RAB21: variants seen among roughly 807,000 people sequenced by gnomAD.
RAB21 encodes the protein RAB21, member RAS oncogene family, also known as ras-related protein Rab-21.
A neutral mutation model predicts 33.1 loss-of-function variants in RAB21; 13 were observed. The observed-to-expected ratio is 0.39, with a 90% confidence interval of 0.26 to 0.62. The LOEUF is 0.62. RAB21 is among the 20% of genes least tolerant of loss of function. The pLI, the probability that RAB21 is intolerant of heterozygous loss-of-function variation, is 0.48. For synonymous variants in RAB21, 91 were observed against 103.7 expected (o/e 0.88, Z 0.74); for missense variants, 234 against 279.1 (o/e 0.84, Z 1.15).
At chr12:71,770,347 T>A (rs900468791) in intron 2 of RAB21, among the ~76,000 whole-genome samples, 1 of 152,132 alleles carries the variant, frequency 6.6e-6, no homozygotes, top group Non-Finnish European at 1.5e-5. Context: ...GGTGGGGAAG[T>A]GCTGAGGAGG....
At position 71,794,585 on chromosome 12, in the gene RAB21, C is replaced by A. The variant is rs2956461; in HGVS notation, c.*8912C>A. ...CCGAGTAGCTGGGACTACAGGCGCC[C>A]GCCACCACGCCTGGCTAATTTTTTG... On this transcript the variant is annotated 3_prime_UTR_variant, in exon 7 of 7. Transcript: ENST00000261263. 38,766 of 142,464 alleles carry A rather than the reference C, an allele frequency of 0.27. 7,042 individuals carry two copies. The highest frequency in any genetic ancestry group is 0.5 in the East Asian group (2,337 of 4,640). 8.8% of individuals were successfully genotyped at this position (142,464 alleles called of 1,614,324 possible). A position where few individuals can be genotyped will look rare whatever the true frequency, so the allele number is the denominator to read the frequency against.
At chr12:71,765,480 T>G (rs1882946002) in intron 1 of RAB21, among the ~76,000 whole-genome samples, 1 of 152,108 alleles carries the variant, frequency 6.6e-6, no homozygotes, top group Non-Finnish European at 1.5e-5. Context: ...TTCATTTTTG[T>G]TTTTGTTGCA....
intron 4 of RAB21, among the ~76,000 whole-genome samples, chr12:71,775,299 C>T (rs563735032): frequency 6.6e-6 from 1 of 152,286 alleles, no homozygotes; most frequent in East Asian, 1.9e-4. Flanking sequence ...ATAACTTGCC[C>T]AGTGTCAGGT....
rs144956158 is a variant in RAB21, at chr12:71,785,958, C to G, written c.*285C>G. The G allele has an allele frequency of 3.9e-3, 976 of 249,782 alleles. 15 individuals are homozygous for G. Among genetic ancestry groups the G allele is most frequent in the African/African-American group, 0.021 (915 of 42,662 alleles). The allele number at this position is 249,782 out of a possible 1,614,324, so 15.5% of individuals were successfully genotyped here. The stretch of plus-strand genomic sequence containing the variant: ...GCTCTGTCACCCAGGCTGGAGTGCA[C>G]TGGCTTGATCTCGGCTCACTGCAAG... On this transcript the variant is annotated 3_prime_UTR_variant, in exon 7 of 7. Coordinates refer to ENST00000261263, the MANE Select transcript of RAB21 (RefSeq NM_014999.4).
chr12:71,786,720 T>TG lies in RAB21; in HGVS notation c.*1048dup, dbSNP rs1289015209. 7.9e-5 allele frequency: 12 copies of TG among 152,558 alleles called. No individual in the cohort carries two copies. In the East Asian group the frequency reaches 1.2e-3, roughly 15 times the overall value. The allele number at this position is 152,558 out of a possible 1,614,324, so 9.5% of individuals were successfully genotyped here. ...CTTCTGTCTTAACTTGAACATGGCG[T>TG]GTTTAAATTTTCATACATACTTTAC... On this transcript the variant is annotated 3_prime_UTR_variant, in exon 7 of 7. Transcript: ENST00000261263.
rs752903890 is a variant in RAB21, at chr12:71,796,919, A to C, written c.*11246A>C. 17 of 152,366 alleles carry C rather than the reference A, an allele frequency of 1.1e-4. No individual in the cohort carries two copies. Among genetic ancestry groups the C allele is most frequent in the East Asian group, 1.9e-4 (1 of 5,192 alleles). 9.4% of individuals were successfully genotyped at this position (152,366 alleles called of 1,614,324 possible). A position where few individuals can be genotyped will look rare whatever the true frequency, so the allele number is the denominator to read the frequency against. ...TGAGAGGAAAAAAGCATTAGATGCGATAGAATGGAATAATCTCTTTTTAGA... is the reference window on the plus strand; with the variant it reads ...TGAGAGGAAAAAAGCATTAGATGCGCTAGAATGGAATAATCTCTTTTTAGA... On this transcript the variant is annotated 3_prime_UTR_variant, in exon 7 of 7. Coordinates refer to ENST00000261263, the MANE Select transcript of RAB21 (RefSeq NM_014999.4).
At chr12:71,773,189 T>C (rs559664330) in intron 3 of RAB21, among the ~76,000 whole-genome samples, 1 of 152,358 alleles carries the variant, frequency 6.6e-6, no homozygotes, top group South Asian at 2.1e-4. Context: ...TTAATTCCAG[T>C]TTACTGCCAA....
At position 71,796,497 on chromosome 12, in the gene RAB21, C is replaced by T. The variant is rs917028700; in HGVS notation, c.*10824C>T. 5.1e-5 allele frequency: 7 copies of T among 137,470 alleles called. 2 individuals are homozygous for T. The highest frequency in any genetic ancestry group is 1.1e-4 in the Non-Finnish European group (7 of 65,932). The allele number at this position is 137,470 out of a possible 1,614,324, so 8.5% of individuals were successfully genotyped here. A position where few individuals can be genotyped will look rare whatever the true frequency, so the allele number is the denominator to read the frequency against. ...CTGTAATATTAGGATGGACATGTGT[C>T]TGGCTTATCCTTCCTATCTAGGAAA... On this transcript the variant is annotated 3_prime_UTR_variant, in exon 7 of 7. Transcript: ENST00000261263.
At chr12:71,772,412 A>AGG (rs1384878916) in intron 3 of RAB21, among the ~76,000 whole-genome samples, 3 of 152,220 alleles carry the variant, frequency 2.0e-5, no homozygotes, top group Non-Finnish European at 4.4e-5. Flanking sequence ...GCAGGTTACA[A>AGG]GGCCAGCCCA....
At chr12:71,762,903 A>C (rs1882899320) in intron 1 of RAB21, among the ~76,000 whole-genome samples, 1 of 152,054 alleles carries the variant, frequency 6.6e-6, no homozygotes. Context: ...TTGATAGCTA[A>C]TTTTTATTGC....
Position 71,785,899 on chromosome 12 carries a change from TGTTTTTTTTTGTTTTTTTTTG to T in RAB21, c.*227_*247del. The T allele has an allele frequency of 2.3e-6, 1 of 427,930 alleles. No individual in the cohort carries two copies. Among genetic ancestry groups the T allele is most frequent in the East Asian group, 4.9e-5 (1 of 20,442 alleles). The allele number at this position is 427,930 out of a possible 1,614,324, so 26.5% of individuals were successfully genotyped here. A position where few individuals can be genotyped will look rare whatever the true frequency, so the allele number is the denominator to read the frequency against. On this transcript the variant is annotated 3_prime_UTR_variant, in exon 7 of 7. Coordinates refer to ENST00000261263, the MANE Select transcript of RAB21 (RefSeq NM_014999.4). ...CAAATGTTTTTTTTTGTTTTTTTTTTGTTTTTTTTTGTTTTTTTTTGAGACGGAGTCTCGCTCTGTCACCCA... is the reference window on the plus strand; with the variant it reads ...CAAATGTTTTTTTTTGTTTTTTTTTTAGACGGAGTCTCGCTCTGTCACCCA...
rs558342891 is a variant in RAB21 at position 71,781,743 on chromosome 12, A to G, written c.392-288A>G. On this transcript the variant is annotated intron_variant, in intron 4 of 6. Coordinates refer to ENST00000261263, the MANE Select transcript of RAB21 (RefSeq NM_014999.4). ...ATAGGTTTATCTCTAGGTCTCTGGT[A>G]TCCCCCAAAATCAAAAAAGAGTGCC... 2.0e-5 allele frequency among the ~76,000 whole-genome samples: 3 copies of G among 152,294 alleles called. No individual in the cohort carries two copies. In the East Asian group the frequency reaches 5.8e-4, roughly 29 times the overall value.
In RAB21 at chr12:71,782,443, A is replaced by G. The variant is rs1338914555; in HGVS notation, c.447-127A>G. 6.7e-6 allele frequency: 4 copies of G among 600,198 alleles called. No individual in the cohort carries two copies. The East Asian group carries it at 8.8e-5, about 13-fold the overall frequency. The allele number at this position is 600,198 out of a possible 1,614,324, so 37.2% of individuals were successfully genotyped here. On this transcript the variant is annotated intron_variant, in intron 5 of 6. Transcript: ENST00000261263. ...TAATGTATAGAGAATTTAAATAGCT[A>G]TATAAACTTAATTTCACTAAACTTG...
chr12:71,760,885 C>A (rs553082986), intron 1 of RAB21, among the ~76,000 whole-genome samples: 1 of 152,094 alleles, frequency 6.6e-6, no homozygotes, highest in Admixed American at 6.5e-5. Flanking sequence ...AGGTAGTATC[C>A]TAACAGTTTG....
rs1248486146 is a variant in RAB21, at chr12:71,789,597, C to T, written c.*3924C>T. The T allele has an allele frequency of 6.6e-6, 1 of 151,982 alleles. No individual in the cohort carries two copies. Among genetic ancestry groups the T allele is most frequent in the Admixed American group, 6.6e-5 (1 of 15,248 alleles). 9.4% of individuals were successfully genotyped at this position (151,982 alleles called of 1,614,324 possible). A position where few individuals can be genotyped will look rare whatever the true frequency, so the allele number is the denominator to read the frequency against. ...AAGGATATAGATAGTAGTAGTGACC[C>T]GCAGGAGCCTCACAATAATGTCTAA... On this transcript the variant is annotated 3_prime_UTR_variant, in exon 7 of 7. Coordinates refer to ENST00000261263, the MANE Select transcript of RAB21 (RefSeq NM_014999.4).
Position 71,791,309 on chromosome 12 carries a change from A to G in RAB21, c.*5636A>G, listed in dbSNP as rs1883379298. On this transcript the variant is annotated 3_prime_UTR_variant, in exon 7 of 7. Transcript: ENST00000261263. ...GCCCAGTCAGTATCATAGAATTTAAATGCAAGCCAATGCTTAGACAGAATC... is the reference window on the plus strand; with the variant it reads ...GCCCAGTCAGTATCATAGAATTTAAGTGCAAGCCAATGCTTAGACAGAATC... The G allele has an allele frequency of 6.6e-6, 1 of 152,212 alleles. No individual in the cohort carries two copies. The highest frequency in any genetic ancestry group is 1.5e-5 in the Non-Finnish European group (1 of 68,046). 9.4% of individuals were successfully genotyped at this position (152,212 alleles called of 1,614,324 possible).
Position 71,797,524 on chromosome 12 carries a change from A to G in RAB21, c.*11851A>G, listed in dbSNP as rs1294909443. ...TATCATATTCTTGGATAGGAAGACA[A>G]CATACACATTTCAGTTCTCTAAATT... is the stretch of plus-strand genomic sequence containing the variant. On this transcript the variant is annotated 3_prime_UTR_variant, in exon 7 of 7. Coordinates refer to ENST00000261263, the MANE Select transcript of RAB21 (RefSeq NM_014999.4). 1 of 151,658 alleles carries G rather than the reference A, an allele frequency of 6.6e-6. No individual in the cohort carries two copies. Among genetic ancestry groups the G allele is most frequent in the Non-Finnish European group, 1.5e-5 (1 of 67,904 alleles). 9.4% of individuals were successfully genotyped at this position (151,658 alleles called of 1,614,324 possible).
chr12:71,798,822 A>T lies in RAB21; in HGVS notation c.*13149A>T, dbSNP rs569384300. ...CCGCTAAGGATGACAGTGAATTCTG[A>T]ATTTATTTACCCAATGTACTCTTCA... On this transcript the variant is annotated 3_prime_UTR_variant, in exon 7 of 7. Transcript: ENST00000261263. 6.6e-6 allele frequency: 1 copy of T among 152,326 alleles called. No homozygotes were observed. The highest frequency in any genetic ancestry group is 6.5e-5 in the Admixed American group (1 of 15,298). The allele number at this position is 152,326 out of a possible 1,614,324, so 9.4% of individuals were successfully genotyped here.
rs1479248735 is a variant in RAB21, at chr12:71,795,844, A to G, written c.*10171A>G. On this transcript the variant is annotated 3_prime_UTR_variant, in exon 7 of 7. Transcript: ENST00000261263. The stretch of plus-strand genomic sequence containing the variant: ...AGTCTGTGATGGAATTTTTTAAAGT[A>G]TATGTGAAGTTTTTTACTTCTTCAG... The G allele has an allele frequency of 1.5e-5, 2 of 137,646 alleles. No homozygotes were observed. The highest frequency in any genetic ancestry group is 3.0e-5 in the Non-Finnish European group (2 of 66,094). 8.5% of individuals were successfully genotyped at this position (137,646 alleles called of 1,614,324 possible).
Sources: gnomAD v4.1 joint callset for allele counts (sites outside exome capture counted in the v4.1 genomes callset) on GRCh38, gnomAD v4.1.1 for gene constraint, MANE v1.5 for transcripts, NCBI Gene and HGNC (gene_info 2026-07-23, HGNC 2026-07-21) for gene names.